The following CTIF variants were observed in gnomAD, a reference collection of about 807,000 sequenced individuals.
CTIF encodes cap binding complex dependent translation initiation factor, also known as CBP80/20-dependent translation initiation factor.
In CTIF, 21 loss-of-function variants were observed where a neutral mutation model predicts 66.0. That is an observed-to-expected ratio of 0.32 (90% CI 0.23 to 0.46). The LOEUF (loss-of-function observed/expected upper bound fraction) is 0.46. Among genes scored for constraint, CTIF ranks in the 20% least tolerant of loss-of-function variants. The pLI, the probability that CTIF is intolerant of heterozygous loss-of-function variation, is 1.00. For synonymous variants in CTIF, 345 were observed against 326.4 expected (o/e 1.06, Z -0.62); for missense variants, 739 against 812.7 (o/e 0.91, Z 1.10).
At chr18:48,785,467 T>G (rs1911623596) in intron 9 of CTIF, among the ~76,000 whole-genome samples, 1 of 152,220 alleles carries the variant, frequency 6.6e-6, no homozygotes, top group South Asian at 2.1e-4. Context: ...TTTCCACCCC[T>G]GCAGTCAGGC....
Position 48,761,482 on chromosome 18 carries a change from C to A in CTIF, c.1164C>A (p.Asp388Glu). Residue 388 changes from aspartate (D) to glutamate (E), a missense_variant, in exon 9 of 12, where the codon GAC becomes GAA. Transcript: ENST00000256413. The surrounding 1 kb of genome is among the most constrained non-coding windows in gnomAD (Gnocchi z 4.2). ...ACAGCATGCGGAACAACAGCAGCGA[C>A]GTGGACACCAAGCTCACCACCTTCA... ...ILNSMRNNSS[D>E]VDTKLTTFME... is the part of the protein sequence containing the mutation. 1 of 1,614,172 alleles carries A rather than the reference C, an allele frequency of 6.2e-7. No homozygotes were observed. Among genetic ancestry groups the A allele is most frequent in the Non-Finnish European group, 8.5e-7 (1 of 1,180,040 alleles).
At chr18:48,622,022 G>C (rs1032324632) in intron 2 of CTIF, among the ~76,000 whole-genome samples, 2 of 152,182 alleles carry the variant, frequency 1.3e-5, no homozygotes, top group Non-Finnish European at 2.9e-5. Context: ...AGCGGCTTGC[G>C]GCCACGAAGG....
chr18:48,546,700 C>G (rs375990701), intron 1 of CTIF, among the ~76,000 whole-genome samples: 1 of 151,900 alleles, frequency 6.6e-6, no homozygotes, highest in Non-Finnish European at 1.5e-5. Flanking sequence ...GCATCTCCTC[C>G]GAGACTAGAG....
At chr18:48,547,947 ATAAG>A (rs1490637208) in intron 1 of CTIF, among the ~76,000 whole-genome samples, 1 of 152,222 alleles carries the variant, frequency 6.6e-6, no homozygotes, top group African/African-American at 2.4e-5. Context: ...ATTTCAGCTT[ATAAG>A]TAAGTAACTT....
intron 1 of CTIF, among the ~76,000 whole-genome samples, chr18:48,617,997 G>A (rs2090428181): frequency 6.6e-6 from 1 of 152,226 alleles, no homozygotes; most frequent in Non-Finnish European, 1.5e-5. Context: ...GAAGATGTGT[G>A]CACAGCAGGG....
intron 7 of CTIF, among the ~76,000 whole-genome samples, chr18:48,748,188 C>T (rs527553530): frequency 3.3e-5 from 5 of 152,002 alleles, no homozygotes; most frequent in African/African-American, 7.2e-5. Context: ...AGCATAGGGG[C>T]GAGACGGGGG....
At position 48,822,777 on chromosome 18, in the gene CTIF, A is replaced by G. The variant is rs140968461; in HGVS notation, c.1527+5401A>G. Among the ~76,000 whole-genome samples the G allele has an allele frequency of 3.9e-3, 594 of 152,232 alleles. 1 individual carries two copies. The highest frequency in any genetic ancestry group is 6.6e-3 in the Non-Finnish European group (448 of 68,008). On this transcript the variant is annotated intron_variant, in intron 10 of 11. Coordinates refer to ENST00000256413, the MANE Select transcript of CTIF (RefSeq NM_014772.3). ...AGATGCACCATTTTGCATTTCTACCAACAGTGTACAAGGGTTCTAATTTCT... is the reference window on the plus strand; with the variant it reads ...AGATGCACCATTTTGCATTTCTACCGACAGTGTACAAGGGTTCTAATTTCT...
At chr18:48,689,609 G>C (rs754374194) in intron 6 of CTIF, among the ~76,000 whole-genome samples, 1 of 152,198 alleles carries the variant, frequency 6.6e-6, no homozygotes, top group Non-Finnish European at 1.5e-5. Flanking sequence ...CCACCTGAAA[G>C]GAGCCTTCAT....
chr18:48,560,747 A>AT (rs2089139704), intron 1 of CTIF, among the ~76,000 whole-genome samples: 1 of 151,298 alleles, frequency 6.6e-6, no homozygotes, highest in Non-Finnish European at 1.5e-5. Context: ...AATTTGTTGT[A>AT]TTTTTTGTAG....
intron 6 of CTIF, among the ~76,000 whole-genome samples, chr18:48,684,621 T>C (rs2091805634): frequency 6.6e-6 from 1 of 152,228 alleles, no homozygotes; most frequent in African/African-American, 2.4e-5. Flanking sequence ...AATCAGATGA[T>C]TACTTCATTA....
chr18:48,773,884 G>A (rs572974840), intron 9 of CTIF, among the ~76,000 whole-genome samples: 4 of 152,208 alleles, frequency 2.6e-5, no homozygotes, highest in Non-Finnish European at 4.4e-5. Context: ...ACAGGAAGAG[G>A]AGATGACAGG....
intron 10 of CTIF, among the ~76,000 whole-genome samples, chr18:48,836,085 C>T (rs1178782404): frequency 6.6e-6 from 1 of 152,100 alleles, no homozygotes; most frequent in African/African-American, 2.4e-5. Context: ...ATACCCCCGC[C>T]CTAGGAGCCA....
intron 3 of CTIF, among the ~76,000 whole-genome samples, chr18:48,643,061 T>C (rs543036649): frequency 6.6e-6 from 1 of 152,326 alleles, no homozygotes; most frequent in African/African-American, 2.4e-5. Flanking sequence ...TCACATGCCC[T>C]ATCTCTAGTA....
At chr18:48,571,873 T>A (rs2089423261) in intron 1 of CTIF, among the ~76,000 whole-genome samples, 1 of 152,114 alleles carries the variant, frequency 6.6e-6, no homozygotes, top group Non-Finnish European at 1.5e-5. Flanking sequence ...AGAAATTGGC[T>A]CATGTGATTG....
chr18:48,738,328 A>G (rs1436196239), intron 7 of CTIF, among the ~76,000 whole-genome samples: 1 of 152,026 alleles, frequency 6.6e-6, no homozygotes, highest in Non-Finnish European at 1.5e-5. Context: ...TTTCAATGTC[A>G]TTTCTTAGCT....
At chr18:48,780,329 C>T (rs972597578) in intron 9 of CTIF, among the ~76,000 whole-genome samples, 5 of 152,188 alleles carry the variant, frequency 3.3e-5, no homozygotes, top group Non-Finnish European at 5.9e-5. Flanking sequence ...GAGTGCTACC[C>T]GGAGAAAGAG....
intron 8 of CTIF, chr18:48,760,653 T>C (rs923064513): frequency 6.6e-6 from 1 of 152,190 alleles, no homozygotes; most frequent in Non-Finnish European, 1.5e-5. Context: ...AATGAGTCAA[T>C]ACAATAAGAT....
chr18:48,603,369 A>AGATGGATG lies in CTIF; in HGVS notation c.-28-16149_-28-16142dup, dbSNP rs754747962. Among the ~76,000 whole-genome samples the AGATGGATG allele has an allele frequency of 5.3e-3, 659 of 123,478 alleles. 12 individuals are homozygous for AGATGGATG. The highest frequency in any genetic ancestry group is 0.022 in the African/African-American group (625 of 28,674). 81.0% of individuals were successfully genotyped at this position (123,478 alleles called of 152,430 possible). ...GGGATGGACGGCTAGATAGGTGGGTAGATGGATGGATGGATGGATGGATGG... is the reference window on the plus strand; with the variant it reads ...GGGATGGACGGCTAGATAGGTGGGTAGATGGATGGATGGATGGATGGATGGATGGATGG... On this transcript the variant is annotated intron_variant, in intron 1 of 11. Coordinates refer to ENST00000256413, the MANE Select transcript of CTIF (RefSeq NM_014772.3).
At chr18:48,750,669 A>G (rs1334722911) in intron 7 of CTIF, among the ~76,000 whole-genome samples, 2 of 151,990 alleles carry the variant, frequency 1.3e-5, no homozygotes, top group Non-Finnish European at 2.9e-5. Flanking sequence ...GGCTGGCCGG[A>G]TCTCCAACCC....
Sources: gnomAD v4.1 joint callset for allele counts (sites outside exome capture counted in the v4.1 genomes callset) on GRCh38, gnomAD v4.1.1 for gene constraint, Gnocchi (gnomAD v3.1) non-coding constraint, MANE v1.5 for transcripts, NCBI Gene and HGNC (gene_info 2026-07-23, HGNC 2026-07-21) for gene names.